The following KCNH7 variants were observed in gnomAD, a reference collection of about 807,000 sequenced individuals.
KCNH7 encodes the protein potassium voltage-gated channel subfamily H member 7.
In KCNH7, 49 loss-of-function variants were observed where a neutral mutation model predicts 120.8. The ratio of observed to expected loss-of-function variants is 0.41; its 90% confidence interval spans 0.32 to 0.51. The LOEUF is 0.51. KCNH7 is among the 20% of genes least tolerant of loss of function. The pLI, the probability that KCNH7 is intolerant of heterozygous loss-of-function variation, is 0.38. For synonymous variants in KCNH7, 547 were observed against 516.1 expected, an observed-to-expected ratio of 1.06 and a Z score of -0.81; for missense variants, 1,097 against 1,446.6, an observed-to-expected ratio of 0.76 and a Z score of 3.92.
At chr2:162,443,737 C>T (rs1688495374) in intron 7 of KCNH7, among the ~76,000 whole-genome samples, 1 of 152,186 alleles carries the variant, frequency 6.6e-6, no homozygotes, top group Non-Finnish European at 1.5e-5. Context: ...TTCAAAATGT[C>T]CATCGGATAG....
At chr2:162,788,160 G>C (rs1389538529) in intron 2 of KCNH7, among the ~76,000 whole-genome samples, 1 of 152,110 alleles carries the variant, frequency 6.6e-6, no homozygotes, top group Non-Finnish European at 1.5e-5. Flanking sequence ...TCCATGAACT[G>C]TGTGGCAATA....
At chr2:162,643,721 G>T (rs188531485) in intron 2 of KCNH7, among the ~76,000 whole-genome samples, 3 of 145,562 alleles carry the variant, frequency 2.1e-5, no homozygotes, top group African/African-American at 7.8e-5. Context: ...CAGGTGAATC[G>T]CTTGAACCCA....
At chr2:162,740,563 C>G (rs1321011353) in intron 2 of KCNH7, among the ~76,000 whole-genome samples, 3 of 152,166 alleles carry the variant, frequency 2.0e-5, no homozygotes, top group African/African-American at 7.2e-5. Context: ...GCACAGAATA[C>G]AGAAAACTTT....
chr2:162,491,020 C>T (rs1317720084), intron 6 of KCNH7, among the ~76,000 whole-genome samples: 4 of 152,174 alleles, frequency 2.6e-5, no homozygotes, highest in African/African-American at 9.6e-5. Flanking sequence ...ACATATGCTG[C>T]GTTCAGTGAC....
At chr2:162,763,303 A>G (rs1032135672) in intron 2 of KCNH7, among the ~76,000 whole-genome samples, 1 of 152,136 alleles carries the variant, frequency 6.6e-6, no homozygotes, top group African/African-American at 2.4e-5. Context: ...ATGAGTTTTG[A>G]ACCCAAAAGC....
chr2:162,685,975 C>T (rs1464392359), intron 2 of KCNH7, among the ~76,000 whole-genome samples: 1 of 151,956 alleles, frequency 6.6e-6, no homozygotes, highest in African/African-American at 2.4e-5. Context: ...AAACGAGAAA[C>T]AGTTATTCTC....
chr2:162,430,053 T>TA (rs1196590363), intron 8 of KCNH7, among the ~76,000 whole-genome samples: 81 of 151,996 alleles, frequency 5.3e-4, no homozygotes, highest in African/African-American at 1.9e-3. Flanking sequence ...TTTTTTGTCT[T>TA]AAAAAAAGTT....
chr2:162,826,425 T>C lies in KCNH7; in HGVS notation c.307+10112A>G, dbSNP rs185278713. On this transcript the variant is annotated intron_variant, in intron 2 of 15. Transcript: ENST00000332142. Reference sequence around the variant, plus strand: ...GGATCTATCTGAACTCTTCTGACCATTCACCTTTTCCCTTCTAGGCTAACT... The same window carrying C: ...GGATCTATCTGAACTCTTCTGACCACTCACCTTTTCCCTTCTAGGCTAACT... 4.6e-5 allele frequency among the ~76,000 whole-genome samples: 7 copies of C among 152,256 alleles called. No homozygotes were observed. In the East Asian group the frequency reaches 1.4e-3, roughly 29 times the overall value.
chr2:162,629,166 G>A (rs867021784), intron 2 of KCNH7, among the ~76,000 whole-genome samples: 6 of 152,116 alleles, frequency 3.9e-5, no homozygotes, highest in Non-Finnish European at 7.4e-5. Flanking sequence ...TGCTGAATAA[G>A]GGAAATACCC....
chr2:162,820,065 A>T (rs1292470579), intron 2 of KCNH7, among the ~76,000 whole-genome samples: 44 of 100,664 alleles, frequency 4.4e-4, no homozygotes, highest in African/African-American at 1.1e-3. Flanking sequence ...TTTGAGGTGG[A>T]GTCTCGCCCT....
chr2:162,583,345 T>C (rs927328577), intron 2 of KCNH7, among the ~76,000 whole-genome samples: 3 of 152,100 alleles, frequency 2.0e-5, no homozygotes, highest in Non-Finnish European at 4.4e-5. Context: ...GTAGTAAAAA[T>C]TGTTCTTCCT....
At chr2:162,377,993 G>A (rs1686272315) in intron 14 of KCNH7, among the ~76,000 whole-genome samples, 1 of 152,130 alleles carries the variant, frequency 6.6e-6, no homozygotes, top group Non-Finnish European at 1.5e-5. Context: ...TATCCTAGCA[G>A]CAATGATTGG....
At chr2:162,585,225 T>C (rs1274238335) in intron 2 of KCNH7, among the ~76,000 whole-genome samples, 1 of 152,104 alleles carries the variant, frequency 6.6e-6, no homozygotes, top group Non-Finnish European at 1.5e-5. Context: ...AGGACTACTC[T>C]GAAACCCATA....
intron 6 of KCNH7, among the ~76,000 whole-genome samples, chr2:162,477,369 A>AAGCTGCCTGGCAGCTTCATC (rs67540666): frequency 1.3e-5 from 2 of 152,242 alleles, no homozygotes; most frequent in African/African-American, 4.8e-5. Context: ...CTGGAGCACA[A>AAGCTGCCTGGCAGCTTCATC]AGCTGCCTGG....
At chr2:162,744,658 C>T (rs1184991432) in intron 2 of KCNH7, among the ~76,000 whole-genome samples, 2 of 148,952 alleles carry the variant, frequency 1.3e-5, no homozygotes, top group East Asian at 2.0e-4. Context: ...CTGCAAGCTT[C>T]GCCTCTCGGG....
At chr2:162,662,269 A>G (rs949246456) in intron 2 of KCNH7, among the ~76,000 whole-genome samples, 2 of 152,092 alleles carry the variant, frequency 1.3e-5, no homozygotes, top group African/African-American at 4.8e-5. Context: ...TCTCAAAAAA[A>G]GGAAAAGAAA....
intron 2 of KCNH7, among the ~76,000 whole-genome samples, chr2:162,790,566 A>C (rs1683895557): frequency 6.6e-6 from 1 of 152,034 alleles, no homozygotes; most frequent in Non-Finnish European, 1.5e-5. Context: ...CAATAAACAT[A>C]GATGCAAAAA....
chr2:162,797,432 T>G (rs1346714047), intron 2 of KCNH7: 2 of 152,026 alleles, frequency 1.3e-5, no homozygotes, highest in Non-Finnish European at 1.5e-5. Flanking sequence ...AATGAAAAAT[T>G]CACATATCTT....
intron 2 of KCNH7, among the ~76,000 whole-genome samples, chr2:162,561,185 A>G (rs974852594): frequency 1.3e-5 from 2 of 151,980 alleles, no homozygotes; most frequent in African/African-American, 4.8e-5. Flanking sequence ...ATAATTATGT[A>G]TCTAATTTAT....
Sources: allele counts gnomAD v4.1 joint callset (sites outside exome capture counted in the v4.1 genomes callset), GRCh38; gene constraint gnomAD v4.1.1; transcripts MANE v1.5; gene names NCBI Gene and HGNC (gene_info 2026-07-23, HGNC 2026-07-21).